Variants in MECOM observed in about 807,000 individuals in gnomAD.
MECOM encodes histone-lysine N-methyltransferase MECOM.
Under a neutral mutation model 116.3 loss-of-function variants are expected in MECOM, and 13 were observed. That is an observed-to-expected ratio of 0.11 (90% CI 0.07 to 0.18). MECOM has a LOEUF of 0.18. Among genes scored for constraint, MECOM ranks in the 10% least tolerant of loss-of-function variants. The probability of loss-of-function intolerance (pLI) is 1.00; values close to 1 mark genes in which losing one functional copy is unlikely to be tolerated. For missense variants in MECOM, 1,299 were observed against 1,509.0 expected, an observed-to-expected ratio of 0.86 and a Z score of 2.31; for synonymous variants, 528 against 535.2, an observed-to-expected ratio of 0.99 and a Z score of 0.19.
intron 1 of MECOM, among the ~76,000 whole-genome samples, chr3:169,517,170 G>C (rs1196322089): frequency 6.6e-6 from 1 of 152,160 alleles, no homozygotes; most frequent in Non-Finnish European, 1.5e-5. Flanking sequence ...GGAAGCTCCA[G>C]GGAGACCAAG....
chr3:169,085,556 C>G (rs1173130460), intron 16 of MECOM, among the ~76,000 whole-genome samples: 1 of 152,164 alleles, frequency 6.6e-6, no homozygotes, highest in Non-Finnish European at 1.5e-5. Flanking sequence ...GTGGGAGAAG[C>G]ATAACTAAAA....
chr3:169,100,733 C>G (rs904389314), intron 12 of MECOM, 152 bp downstream of exon 12: 18 of 302,502 alleles, frequency 6.0e-5, no homozygotes, highest in African/African-American at 3.8e-4. Context: ...TTAGTCAATT[C>G]TTTCTTGACT....
At chr3:169,427,537 G>T (rs898513377) in intron 1 of MECOM, among the ~76,000 whole-genome samples, 2 of 152,206 alleles carry the variant, frequency 1.3e-5, no homozygotes, top group Non-Finnish European at 2.9e-5. Context: ...TTATTAAAAA[G>T]AAGATGAACT....
At chr3:169,162,198 C>A (rs1742951945) in intron 2 of MECOM, among the ~76,000 whole-genome samples, 1 of 152,136 alleles carries the variant, frequency 6.6e-6, no homozygotes, top group African/African-American at 2.4e-5. Context: ...TTTCCCTGGC[C>A]CCACAGCACT....
At chr3:169,385,393 C>T (rs777071752) in intron 1 of MECOM, among the ~76,000 whole-genome samples, 12 of 151,968 alleles carry the variant, frequency 7.9e-5, no homozygotes, top group Non-Finnish European at 1.2e-4. Flanking sequence ...GAAGAACTCA[C>T]GGACCTATTC....
chr3:169,287,906 G>C (rs981674033), intron 2 of MECOM, among the ~76,000 whole-genome samples: 4 of 152,136 alleles, frequency 2.6e-5, no homozygotes, highest in African/African-American at 9.7e-5. Flanking sequence ...CCCAGGGCAT[G>C]ATTCTGACTA....
chr3:169,224,743 A>G (rs753525604), intron 2 of MECOM, among the ~76,000 whole-genome samples: 8 of 152,218 alleles, frequency 5.3e-5, no homozygotes, highest in African/African-American at 1.7e-4. Flanking sequence ...TTCATTATCC[A>G]CCAGGGACTG....
chr3:169,503,411 A>G (rs1754791596), intron 1 of MECOM, among the ~76,000 whole-genome samples: 1 of 152,206 alleles, frequency 6.6e-6, no homozygotes, highest in Non-Finnish European at 1.5e-5. Flanking sequence ...ATCACAGGAC[A>G]TATATGTTAA....
intron 2 of MECOM, among the ~76,000 whole-genome samples, chr3:169,335,692 A>C (rs1723481388): frequency 6.6e-6 from 1 of 152,148 alleles, no homozygotes; most frequent in Non-Finnish European, 1.5e-5. Context: ...ACTGTGTTAT[A>C]ATATGTATTC....
At chr3:169,429,379 C>A (rs558967089) in intron 1 of MECOM, among the ~76,000 whole-genome samples, 1 of 152,168 alleles carries the variant, frequency 6.6e-6, no homozygotes, top group Non-Finnish European at 1.5e-5. Flanking sequence ...GAATAGATTA[C>A]ATTGACTCAG....
At chr3:169,278,756 G>A (rs1050944176) in intron 2 of MECOM, among the ~76,000 whole-genome samples, 28 of 152,214 alleles carry the variant, frequency 1.8e-4, no homozygotes, top group Admixed American at 2.6e-4. Flanking sequence ...TCCAAAGGGA[G>A]CAATGAAGGT....
chr3:169,139,152 A>G (rs1294134117), intron 3 of MECOM, among the ~76,000 whole-genome samples: 1 of 152,074 alleles, frequency 6.6e-6, no homozygotes, highest in African/African-American at 2.4e-5. Context: ...TCTGAGGGGC[A>G]CTCATTCTTC....
At position 169,663,494 on chromosome 3, in the gene MECOM, CTCTCTCT is replaced by C. The variant is rs2110157877; in HGVS notation, c.-129_-123del. On this transcript the variant is annotated 5_prime_UTR_variant, in exon 1 of 17. Transcript: ENST00000651503. ...CTCCTGTCTCTCTCTCTCTCTCTCTCTCTCTCTCTCTCTCTCTCTCTCTCTCTCTCTC... is the reference window on the plus strand; with the variant it reads ...CTCCTGTCTCTCTCTCTCTCTCTCTCCTCTCTCTCTCTCTCTCTCTCTCTC... 1 of 614,480 alleles carries C rather than the reference CTCTCTCT, an allele frequency of 1.6e-6. No homozygotes were observed. Among genetic ancestry groups the C allele is most frequent in the East Asian group, 2.9e-5 (1 of 34,888 alleles). The allele number at this position is 614,480 out of a possible 1,614,324, so 38.1% of individuals were successfully genotyped here.
intron 1 of MECOM, among the ~76,000 whole-genome samples, chr3:169,548,090 T>C (rs765761628): frequency 2.0e-5 from 3 of 152,124 alleles, no homozygotes; most frequent in Non-Finnish European, 2.9e-5. Flanking sequence ...AAAAATAAAA[T>C]ATATCGCTTA....
At chr3:169,388,373 G>A (rs1472287011) in intron 1 of MECOM, among the ~76,000 whole-genome samples, 1 of 152,150 alleles carries the variant, frequency 6.6e-6, no homozygotes, top group African/African-American at 2.4e-5. Context: ...AACACGTGCT[G>A]GGCTTGGGGA....
At chr3:169,096,970 T>G (rs1346401883) in intron 12 of MECOM, among the ~76,000 whole-genome samples, 4 of 151,978 alleles carry the variant, frequency 2.6e-5, no homozygotes, top group African/African-American at 9.7e-5. Context: ...CCCCAGTTTT[T>G]TTTTTTTTTA....
chr3:169,107,939 T>A lies in MECOM; in HGVS notation c.2591A>T (p.Asp864Val), dbSNP rs1725993988. The A allele has an allele frequency of 1.9e-6, 3 of 1,612,884 alleles. No individual in the cohort carries two copies. The highest frequency in any genetic ancestry group is 2.5e-6 in the Non-Finnish European group (3 of 1,179,414). ...FLFHPQFQLP[D>V]QRTWMSAIEN... Reference sequence around the variant, plus strand: ...TAGGAAACTTACCCAAGTTCTCTGATCAGGCAGTTGGAACTGGGAGCAAAA... The same window carrying A: ...TAGGAAACTTACCCAAGTTCTCTGAACAGGCAGTTGGAACTGGGAGCAAAA... The change falls in exon 10 of 17, where the codon GAT (aspartate) becomes GTT (valine). Residue 864 changes from aspartate (D) to valine (V), a missense_variant. Coordinates refer to ENST00000651503, the MANE Select transcript of MECOM (RefSeq NM_004991.4).
intron 2 of MECOM, among the ~76,000 whole-genome samples, chr3:169,369,263 T>A (rs1475553587): frequency 1.3e-5 from 2 of 151,058 alleles, no homozygotes; most frequent in Non-Finnish European, 2.9e-5. Flanking sequence ...AGAAAGAAGG[T>A]CCCTCTTGAG....
At chr3:169,476,839 G>C (rs1750472319) in intron 1 of MECOM, 1 of 150,364 alleles carries the variant, frequency 6.7e-6, no homozygotes, top group Admixed American at 6.6e-5. Context: ...GCTATTTTTT[G>C]TTGATGCTGT....
Sources: allele counts gnomAD v4.1 joint callset (sites outside exome capture counted in the v4.1 genomes callset), GRCh38; gene constraint gnomAD v4.1.1; transcripts MANE v1.5; gene names NCBI Gene and HGNC (gene_info 2026-07-23, HGNC 2026-07-21).